PROM2: variants seen among roughly 807,000 people sequenced by gnomAD.
PROM2 encodes prominin-2.
In PROM2, 90 loss-of-function variants were observed where a neutral mutation model predicts 110.2. The observed-to-expected ratio is 0.82, with a 90% CI of 0.69 to 0.97. The LOEUF (loss-of-function observed/expected upper bound fraction) is 0.97, where lower values mean the gene tolerates loss of function less well. Ranked by LOEUF, PROM2 falls within the 50% of genes least tolerant of loss-of-function variation. The probability of loss-of-function intolerance (pLI) is 0.00; values close to 1 mark genes in which losing one functional copy is unlikely to be tolerated. For missense variants in PROM2, 1,009 were observed against 1,074.8 expected (o/e 0.94, Z 0.86); for synonymous variants, 470 against 467.8 (o/e 1.00, Z -0.06).
chr2:95,276,533 G>A lies in PROM2; in HGVS notation c.619-61G>A, dbSNP rs1403700756. On this transcript the variant is annotated intron_variant, in intron 4 of 23. Transcript: ENST00000317620. The surrounding 1 kb of genome is among the most constrained non-coding windows in gnomAD (Gnocchi z 4.6). ...AGGGGCAGGGAAGGGGCCAGGGAGA[G>A]AAGGGCGTAAGGACTGTGGGTGACC... 4.3e-6 allele frequency: 7 copies of A among 1,611,306 alleles called. No homozygotes were observed. Among genetic ancestry groups the A allele is most frequent in the Non-Finnish European group, 5.1e-6 (6 of 1,177,772 alleles).
At position 95,286,857 on chromosome 2, in the gene PROM2, G is replaced by A. The variant is rs1481492679; in HGVS notation, c.2094G>A (p.Gln698=). ...RALESSAPNL[Q]LETSDVLANV... ...TGGAGTCCTCTGCCCCGAATCTCCAGGTGGCTGCTGTTGGTGGGGACGTAT... is the reference window on the plus strand; with the variant it reads ...TGGAGTCCTCTGCCCCGAATCTCCAAGTGGCTGCTGTTGGTGGGGACGTAT... Residue 698 remains glutamine, a splice_region_variant and synonymous_variant, in exon 18 of 24, where the codon CAG becomes CAA. Transcript: ENST00000317620. 1 of 1,613,738 alleles carries A rather than the reference G, an allele frequency of 6.2e-7. No homozygotes were observed. The highest frequency in any genetic ancestry group is 8.5e-7 in the Non-Finnish European group (1 of 1,179,946).
chr2:95,275,785 G>C lies in PROM2; in HGVS notation c.295-145G>C, dbSNP rs1324800715. 7.4e-6 allele frequency: 11 copies of C among 1,477,220 alleles called. No individual in the cohort carries two copies. The highest frequency in any genetic ancestry group is 9.0e-6 in the Non-Finnish European group (10 of 1,116,550). 91.5% of individuals were successfully genotyped at this position (1,477,220 alleles called of 1,614,324 possible). ...AGATGGTGATGAGCAGTAAGAATGC[G>C]GTCACCTCTGGGACGGGTTCCATGA... On this transcript the variant is annotated intron_variant, in intron 2 of 23. Transcript: ENST00000317620. The surrounding 1 kb of genome is among the most constrained non-coding windows in gnomAD (Gnocchi z 4.4).
At chr2:95,281,719 T>G (rs1364279291) in intron 12 of PROM2, among the ~76,000 whole-genome samples, 4 of 152,042 alleles carry the variant, frequency 2.6e-5, no homozygotes, top group Non-Finnish European at 4.4e-5. Context: ...TGGGCAACCC[T>G]CCTAGGGATT....
chr2:95,275,203 C>A lies in PROM2; in HGVS notation c.245-258C>A, dbSNP rs1351147534. Reference sequence around the variant, plus strand: ...ACTGCCAGGCCAGACCCCTTCTCTGCCTTTGCCCAGGCTCAGGACTGACCT... The same window carrying A: ...ACTGCCAGGCCAGACCCCTTCTCTGACTTTGCCCAGGCTCAGGACTGACCT... On this transcript the variant is annotated intron_variant, in intron 1 of 23. Transcript: ENST00000317620. This position sits in a 1 kb window ranked among gnomAD's most constrained non-coding sequence, Gnocchi z 4.4. 2.0e-5 allele frequency among the ~76,000 whole-genome samples: 3 copies of A among 152,238 alleles called. No individual in the cohort carries two copies. The highest frequency in any genetic ancestry group is 2.9e-5 in the Non-Finnish European group (2 of 68,038).
rs1404729179 is a variant in PROM2, at chr2:95,275,935, G to A, written c.300G>A (p.Val100=). ...ELASVKVNEV[V]RYEAGYVVCA... ...ATGCCCTGCTGCCTGCCCAGGTGGT[G>A]CGGTACGAGGCGGGCTACGTGGTAT... The change falls in exon 3 of 24, where the codon GTG becomes GTA. Residue 100 remains valine, a synonymous_variant. Transcript: ENST00000317620. This position sits in a 1 kb window ranked among gnomAD's most constrained non-coding sequence, Gnocchi z 4.4. The A allele has an allele frequency of 6.2e-7, 1 of 1,609,646 alleles. No homozygotes were observed. Among genetic ancestry groups the A allele is most frequent in the Non-Finnish European group, 8.5e-7 (1 of 1,178,924 alleles).
In PROM2 at chr2:95,275,936, C is replaced by T. The variant is rs781609815; in HGVS notation, c.301C>T (p.Arg101Trp). The T allele has an allele frequency of 5.7e-5, 92 of 1,609,108 alleles. No individual in the cohort carries two copies. Among genetic ancestry groups the T allele is most frequent in the Non-Finnish European group, 6.7e-5 (79 of 1,178,726 alleles). ...LASVKVNEVV[R>W]YEAGYVVCAV... ...TGCCCTGCTGCCTGCCCAGGTGGTG[C>T]GGTACGAGGCGGGCTACGTGGTATG... The change falls in exon 3 of 24, where the codon CGG becomes TGG. Residue 101 changes from arginine to tryptophan, a missense_variant. Arg to Trp is a moderately radical substitution (Grantham distance 101). Coordinates refer to ENST00000317620, the MANE Select transcript of PROM2 (RefSeq NM_001165978.3). The surrounding 1 kb of genome is among the most constrained non-coding windows in gnomAD (Gnocchi z 4.4).
chr2:95,278,803 G>C lies in PROM2; in HGVS notation c.1114+19G>C. ...GTGCAAGGTTAGGCCACACGGGTCA[G>C]AGGCAGCTGCCAGGCATGGCTTCCC... On this transcript the variant is annotated intron_variant, in intron 9 of 23. Transcript: ENST00000317620. The C allele has an allele frequency of 6.2e-7, 1 of 1,614,020 alleles. No individual in the cohort carries two copies. The highest frequency in any genetic ancestry group is 1.1e-5 in the South Asian group (1 of 91,086).
At chr2:95,279,321 G>T in intron 10 of PROM2, among the ~76,000 whole-genome samples, 177 bp downstream of exon 10, 1 of 148,744 alleles carries the variant, frequency 6.7e-6, no homozygotes, top group Non-Finnish European at 1.5e-5. Flanking sequence ...TTTTTGAGAC[G>T]GTGTCTTGCT....
chr2:95,277,426 G>A lies in PROM2; in HGVS notation c.835G>A (p.Gly279Arg), dbSNP rs765232403. 4.2e-5 allele frequency: 67 copies of A among 1,613,288 alleles called. No individual in the cohort carries two copies. In the South Asian group the frequency reaches 4.6e-4, roughly 11 times the overall value. The change falls in exon 7 of 24, where the codon GGG becomes AGG. Residue 279 changes from glycine (G) to arginine (R), a missense_variant. Transcript: ENST00000317620. ...LNATVVELQAGQQDLEPAIRE... is the reference protein window; with the variant it reads ...LNATVVELQARQQDLEPAIRE... ...TGCTACAGTGGTAGAGCTGCAGGCC[G>A]GGCAGCAGGACCTGGAGCCAGCCAT...
At chr2:95,277,146 C>T (rs1676718852) in intron 6 of PROM2, 85 bp downstream of exon 6, 3 of 1,287,462 alleles carry the variant, frequency 2.3e-6, no homozygotes, top group South Asian at 2.9e-5. Context: ...CCCTGGATTT[C>T]CTGAGCCACC....
At position 95,277,379 on chromosome 2, in the gene PROM2, T is replaced by C. The variant is rs745470775; in HGVS notation, c.788T>C (p.Val263Ala). 2.5e-6 allele frequency: 4 copies of C among 1,611,726 alleles called. No individual in the cohort carries two copies. Among genetic ancestry groups the C allele is most frequent in the Non-Finnish European group, 2.5e-6 (3 of 1,179,142 alleles). ...GSLGQVLQVS[V>A]HHLQTLNATV... ...GGTCTCTCAGTCCTGCAGGTCTCCG[T>C]GCACCACCTGCAAACCTTGAATGCT... is the stretch of plus-strand genomic sequence containing the variant. Residue 263 changes from valine (V) to alanine (A), a missense_variant, in exon 7 of 24, where the codon GTG (valine) becomes GCG (alanine). Coordinates refer to ENST00000317620, the MANE Select transcript of PROM2 (RefSeq NM_001165978.3).
intron 21 of PROM2, 67 bp from the exon 22 acceptor site, chr2:95,288,416 T>G: frequency 6.3e-7 from 1 of 1,589,418 alleles, no homozygotes; most frequent in Non-Finnish European, 8.6e-7. Context: ...CCGGCTCTGA[T>G]GACAAGGCAG....
At position 95,275,193 on chromosome 2, in the gene PROM2, C is replaced by A. The variant is rs1339616517; in HGVS notation, c.245-268C>A. 6.6e-6 allele frequency among the ~76,000 whole-genome samples: 1 copy of A among 152,200 alleles called. No individual in the cohort carries two copies. The highest frequency in any genetic ancestry group is 1.5e-5 in the Non-Finnish European group (1 of 68,038). On this transcript the variant is annotated intron_variant, in intron 1 of 23. Coordinates refer to ENST00000317620, the MANE Select transcript of PROM2 (RefSeq NM_001165978.3). This position sits in a 1 kb window ranked among gnomAD's most constrained non-coding sequence, Gnocchi z 4.4. ...GAGGGGAAGAACTGCCAGGCCAGAC[C>A]CCTTCTCTGCCTTTGCCCAGGCTCA...
At chr2:95,281,139 C>T (rs1677016310) in intron 11 of PROM2, 103 bp from the exon 12 acceptor site, 1 of 1,492,246 alleles carries the variant, frequency 6.7e-7, no homozygotes, top group South Asian at 1.3e-5. Flanking sequence ...GTGCTGGGGC[C>T]AACTGGCTGA....
chr2:95,285,232 C>T, intron 15 of PROM2, 117 bp downstream of exon 15: 1 of 1,208,962 alleles, frequency 8.3e-7, no homozygotes, highest in Non-Finnish European at 1.1e-6. Flanking sequence ...TCCACATTTC[C>T]TGGGGCCTCT....
chr2:95,277,656 C>T, intron 7 of PROM2, 90 bp downstream of exon 7: 1 of 1,290,196 alleles, frequency 7.8e-7, no homozygotes, highest in South Asian at 1.5e-5. Flanking sequence ...TCCCCTTGCC[C>T]CAATGTTCCT....
intron 14 of PROM2, among the ~76,000 whole-genome samples, chr2:95,283,046 A>G (rs187750295): frequency 6.6e-6 from 1 of 152,184 alleles, no homozygotes; most frequent in South Asian, 2.1e-4. Context: ...GCCCAGCCCC[A>G]ACTCTGTACC....
Position 95,275,569 on chromosome 2 carries a change from G to T in PROM2, c.294+59G>T. The T allele has an allele frequency of 6.3e-7, 1 of 1,591,694 alleles. No homozygotes were observed. Among genetic ancestry groups the T allele is most frequent in the Non-Finnish European group, 8.6e-7 (1 of 1,165,786 alleles). On this transcript the variant is annotated intron_variant, in intron 2 of 23. Transcript: ENST00000317620. The surrounding 1 kb of genome is among the most constrained non-coding windows in gnomAD (Gnocchi z 4.4). The stretch of plus-strand genomic sequence containing the variant: ...AGTTCTGGGGTGAGCAGCAGGGTGG[G>T]AGCAGAAAAGCCTTGGCTCCCCTTA...
In PROM2 at chr2:95,275,963, G is replaced by T; in HGVS notation, c.328G>T (p.Ala110Ser). Residue 110 changes from alanine (A) to serine (S), a missense_variant, in exon 3 of 24, where the codon GCT (alanine) becomes TCT (serine). Physicochemically the swap from Ala to Ser is moderately conservative, Grantham distance 99. Coordinates refer to ENST00000317620, the MANE Select transcript of PROM2 (RefSeq NM_001165978.3). The surrounding 1 kb of genome is among the most constrained non-coding windows in gnomAD (Gnocchi z 4.4). The stretch of plus-strand genomic sequence containing the variant: ...GTACGAGGCGGGCTACGTGGTATGC[G>T]CTGTGATCGCGGGCCTCTACCTGCT... ...VRYEAGYVVC[A>S]VIAGLYLLLV... 6.2e-7 allele frequency: 1 copy of T among 1,612,180 alleles called. No homozygotes were observed. Among genetic ancestry groups the T allele is most frequent in the Non-Finnish European group, 8.5e-7 (1 of 1,179,758 alleles).
Sources: allele counts gnomAD v4.1 joint callset (sites outside exome capture counted in the v4.1 genomes callset), GRCh38; gene constraint gnomAD v4.1.1; non-coding constraint Gnocchi (gnomAD v3.1); transcripts MANE v1.5; gene names NCBI Gene and HGNC (gene_info 2026-07-23, HGNC 2026-07-21).